ADGRB1: variants seen among roughly 807,000 people sequenced by gnomAD.
ADGRB1 encodes the protein brain-specific angiogenesis inhibitor 1.
Under a neutral mutation model 175.7 loss-of-function variants are expected in ADGRB1, and 36 were observed. The ratio of observed to expected loss-of-function variants is 0.20; its 90% CI spans 0.16 to 0.27. The LOEUF (loss-of-function observed/expected upper bound fraction) is 0.27. ADGRB1 is among the 10% of genes least tolerant of loss of function. The pLI, the probability that ADGRB1 is intolerant of heterozygous loss-of-function variation, is 1.00. For synonymous variants in ADGRB1, 1,054 were observed against 979.4 expected (o/e 1.08, Z -1.42); for missense variants, 1,731 against 2,255.3 (o/e 0.77, Z 4.71).
intron 7 of ADGRB1, chr8:142,479,000 G>T (rs1346919664): frequency 3.1e-6 from 1 of 322,442 alleles, no homozygotes; most frequent in East Asian, 5.6e-5. Flanking sequence ...GAGTAGCGGG[G>T]TGCACAGTGG....
At chr8:142,477,899 C>T (rs1431905762) in intron 6 of ADGRB1, among the ~76,000 whole-genome samples, 3 of 149,454 alleles carry the variant, frequency 2.0e-5, no homozygotes, top group Non-Finnish European at 3.0e-5. Flanking sequence ...AGGGTGTTCT[C>T]ACCCATGTCA....
At chr8:142,536,651 A>G (rs1168671520) in intron 25 of ADGRB1, among the ~76,000 whole-genome samples, 1 of 151,876 alleles carries the variant, frequency 6.6e-6, no homozygotes, top group Non-Finnish European at 1.5e-5. Context: ...GGCCAGGTCC[A>G]GGGACATCTT....
chr8:142,527,640 A>G (rs139845141), intron 24 of ADGRB1, among the ~76,000 whole-genome samples: 20 of 151,870 alleles, frequency 1.3e-4, no homozygotes, highest in Admixed American at 7.9e-4. Context: ...GCCTTGCCCT[A>G]CCTGTCCCCG....
intron 1 of ADGRB1, among the ~76,000 whole-genome samples, chr8:142,462,532 G>T (rs956162348): frequency 6.6e-6 from 1 of 152,230 alleles, no homozygotes; most frequent in African/African-American, 2.4e-5. Context: ...GCCAGACCTC[G>T]AGGCTGCCTG....
chr8:142,458,462 G>C (rs989994513), intron 1 of ADGRB1, among the ~76,000 whole-genome samples: 1 of 152,070 alleles, frequency 6.6e-6, no homozygotes, highest in East Asian at 1.9e-4. Flanking sequence ...TTGAAGGAGG[G>C]GTTCGTATAT....
chr8:142,452,307 G>A (rs1003866084), intron 1 of ADGRB1, among the ~76,000 whole-genome samples: 3 of 152,198 alleles, frequency 2.0e-5, no homozygotes, highest in Non-Finnish European at 4.4e-5. Flanking sequence ...CGCTGCGCTG[G>A]GGGGCTCGAG....
chr8:142,542,344 C>T lies in ADGRB1; in HGVS notation c.4110C>T (p.Asp1370=), dbSNP rs1845321919. The T allele has an allele frequency of 3.1e-6, 5 of 1,592,994 alleles. No individual in the cohort carries two copies. The highest frequency in any genetic ancestry group is 4.3e-6 in the Non-Finnish European group (5 of 1,169,524). Residue 1370 remains aspartate, a synonymous_variant, in exon 28 of 31, where the codon GAC becomes GAT. Transcript: ENST00000517894. The surrounding 1 kb of genome is among the most constrained non-coding windows in gnomAD (Gnocchi z 6.3). ...KEEPKYSIHI[D]QMPQTRLIHL... is the part of the protein sequence containing the mutation. ...AGCCCAAGTACAGCATCCACATTGA[C>T]CAGATGCCGCAGACCCGCCTCATCC...
At chr8:142,526,659 C>T (rs781683996) in intron 24 of ADGRB1, 32 bp downstream of exon 24, 2 of 1,587,470 alleles carry the variant, frequency 1.3e-6, no homozygotes, top group Non-Finnish European at 1.7e-6. Context: ...TCCTTGCCCA[C>T]CCGGAGTGCA....
Position 142,479,451 on chromosome 8 carries a change from G to A in ADGRB1, c.1690G>A (p.Asp564Asn). The change falls in exon 8 of 31, where the codon GAT becomes AAT. Residue 564 changes from aspartate (D) to asparagine (N), a missense_variant. Coordinates refer to ENST00000517894, the MANE Select transcript of ADGRB1 (RefSeq NM_001702.3). Reference protein sequence around the residue: ...FGGAACQGPQDEYRQCGTQRC... With the variant: ...FGGAACQGPQNEYRQCGTQRC... ...GGGAGCAGCCTGCCAGGGCCCCCAG[G>A]ATGAGTACCGGCAGTGCGGCACCCA... is the stretch of plus-strand genomic sequence containing the variant. The A allele has an allele frequency of 1.3e-6, 2 of 1,553,198 alleles. No homozygotes were observed. Among genetic ancestry groups the A allele is most frequent in the Non-Finnish European group, 8.7e-7 (1 of 1,155,054 alleles).
At chr8:142,477,580 A>G (rs1841050911) in intron 6 of ADGRB1, 31 bp downstream of exon 6, 1 of 1,597,216 alleles carries the variant, frequency 6.3e-7, no homozygotes, top group Non-Finnish European at 8.5e-7. Context: ...AGGGGCAGGG[A>G]GGAAGGGAAG....
At chr8:142,539,994 T>A (rs544420886) in intron 27 of ADGRB1, 59 of 153,810 alleles carry the variant, frequency 3.8e-4, no homozygotes, top group African/African-American at 1.3e-3. Context: ...AACGAACGAC[T>A]GCCCAATAAA....
At chr8:142,462,005 G>A (rs571764953) in intron 1 of ADGRB1, among the ~76,000 whole-genome samples, 3 of 152,214 alleles carry the variant, frequency 2.0e-5, no homozygotes, top group African/African-American at 7.2e-5. Context: ...CTCTCCATGA[G>A]ATGGTGAGGG....
At chr8:142,459,807 C>G (rs934269852) in intron 1 of ADGRB1, among the ~76,000 whole-genome samples, 3 of 152,222 alleles carry the variant, frequency 2.0e-5, no homozygotes, top group African/African-American at 7.2e-5. Flanking sequence ...GCCCCTCCCC[C>G]ATTTGCTCTC....
At chr8:142,513,140 G>C (rs1489344145) in intron 18 of ADGRB1, among the ~76,000 whole-genome samples, 1 of 152,194 alleles carries the variant, frequency 6.6e-6, no homozygotes, top group Non-Finnish European at 1.5e-5. Context: ...TCCCAGACAG[G>C]ACATTTGAGG....
intron 17 of ADGRB1, among the ~76,000 whole-genome samples, chr8:142,500,470 C>T (rs1019225890): frequency 6.7e-6 from 1 of 149,796 alleles, no homozygotes; most frequent in Non-Finnish European, 1.5e-5. Context: ...AGTCATGCCT[C>T]GTGGGGGCGA....
chr8:142,465,988 C>A (rs1472596992), intron 2 of ADGRB1, among the ~76,000 whole-genome samples: 1 of 152,172 alleles, frequency 6.6e-6, no homozygotes, highest in Admixed American at 6.5e-5. Flanking sequence ...CCTGTGGAGG[C>A]CCCGTGGGCC....
intron 11 of ADGRB1, among the ~76,000 whole-genome samples, chr8:142,483,581 C>T (rs1309467180): frequency 6.6e-6 from 1 of 150,914 alleles, no homozygotes; most frequent in Non-Finnish European, 1.5e-5. Context: ...GCCCTGGTCA[C>T]ACCCTGAGCC....
At position 142,537,929 on chromosome 8, in the gene ADGRB1, C is replaced by T. The variant is rs1012187376; in HGVS notation, c.3666+847C>T. 1.3e-5 allele frequency among the ~76,000 whole-genome samples: 2 copies of T among 152,158 alleles called. No homozygotes were observed. Among genetic ancestry groups the T allele is most frequent in the African/African-American group, 2.4e-5 (1 of 41,436 alleles). On this transcript the variant is annotated intron_variant, in intron 26 of 30. Transcript: ENST00000517894. The surrounding 1 kb of genome is among the most constrained non-coding windows in gnomAD (Gnocchi z 4.6). The stretch of plus-strand genomic sequence containing the variant: ...CACCAAGTCTGCTCCCACCCACACC[C>T]GTCACTAGACCTCCTGCTTCTGCAC...
At position 142,521,950 on chromosome 8, in the gene ADGRB1, C is replaced by G. The variant is rs749039432; in HGVS notation, c.3025-15C>G. Reference sequence around the variant, plus strand: ...GAGCACCTGCCCAGCCTGCCCCGCCCTGGGCCCCACACAGGTGGTGTGCAC... The same window carrying G: ...GAGCACCTGCCCAGCCTGCCCCGCCGTGGGCCCCACACAGGTGGTGTGCAC... On this transcript the variant is annotated splice_polypyrimidine_tract_variant and intron_variant, in intron 20 of 30. Coordinates refer to ENST00000517894, the MANE Select transcript of ADGRB1 (RefSeq NM_001702.3). The G allele has an allele frequency of 3.8e-6, 6 of 1,575,166 alleles. No individual in the cohort carries two copies. In the South Asian group the frequency reaches 6.9e-5, roughly 18 times the overall value.
Sources: gnomAD v4.1 joint callset for allele counts (sites outside exome capture counted in the v4.1 genomes callset) on GRCh38, gnomAD v4.1.1 for gene constraint, Gnocchi (gnomAD v3.1) non-coding constraint, MANE v1.5 for transcripts, NCBI Gene and HGNC (gene_info 2026-07-23, HGNC 2026-07-21) for gene names.